DHX15: variants seen among roughly 807,000 people sequenced by gnomAD.
DHX15 encodes the protein ATP-dependent RNA helicase DHX15.
DHX15 carries 11 observed loss-of-function variants against 94.4 expected under a neutral mutation model. That is an observed-to-expected ratio of 0.12 (90% CI 0.07 to 0.19). The LOEUF (loss-of-function observed/expected upper bound fraction) is 0.19, where lower values mean the gene tolerates loss of function less well. Ranked by LOEUF, DHX15 falls within the 10% of genes least tolerant of loss-of-function variation. The pLI is 1.00. For synonymous variants in DHX15, 338 were observed against 329.9 expected, an observed-to-expected ratio of 1.02 and a Z score of -0.27; for missense variants, 304 against 988.5, an observed-to-expected ratio of 0.31 and a Z score of 9.29.
intron 3 of DHX15, among the ~76,000 whole-genome samples, chr4:24,559,962 GGA>G (rs1721830044): frequency 6.6e-6 from 1 of 152,114 alleles, no homozygotes; most frequent in Non-Finnish European, 1.5e-5. Context: ...AAACATCCTT[GGA>G]GTAAGTAACA....
chr4:24,582,891 ATT>A (rs1240111425), intron 1 of DHX15, among the ~76,000 whole-genome samples: 2 of 152,198 alleles, frequency 1.3e-5, no homozygotes, highest in Non-Finnish European at 1.5e-5. Flanking sequence ...TTACAATGTC[ATT>A]GTCTTTTTTA....
rs1320549406 is a variant in DHX15, at chr4:24,547,925, A to ATC, written c.1248+929_1248+930insGA. Among the ~76,000 whole-genome samples, 380 of 50,946 alleles carry ATC rather than the reference A, an allele frequency of 7.5e-3. 7 individuals carry two copies. Among genetic ancestry groups the ATC allele is most frequent in the Middle Eastern group, 0.011 (1 of 92 alleles). 33.4% of individuals were successfully genotyped at this position (50,946 alleles called of 152,430 possible). On this transcript the variant is annotated intron_variant, in intron 6 of 13. Coordinates refer to ENST00000336812, the MANE Select transcript of DHX15 (RefSeq NM_001358.3). ...TGTGTATATATATATATATATATAT[A>ATC]TATATATATATATATATCTATATCT...
At chr4:24,551,063 G>A (rs1192465100) in intron 5 of DHX15, among the ~76,000 whole-genome samples, 2 of 152,142 alleles carry the variant, frequency 1.3e-5, no homozygotes, top group African/African-American at 4.8e-5. Flanking sequence ...TCTAACACAT[G>A]TGCATTCAAG....
chr4:24,542,148 T>A, intron 7 of DHX15, 126 bp from the exon 8 acceptor site: 1 of 783,618 alleles, frequency 1.3e-6, no homozygotes, highest in Non-Finnish European at 1.9e-6. Flanking sequence ...CCATAAATCA[T>A]GCTGCTACAA....
At chr4:24,563,214 T>A (rs1323977776) in intron 3 of DHX15, 2 of 152,216 alleles carry the variant, frequency 1.3e-5, no homozygotes, top group East Asian at 3.9e-4. Context: ...CTTGCTATGT[T>A]GCCCAGGCTG....
chr4:24,550,113 A>G (rs867218808), intron 5 of DHX15, among the ~76,000 whole-genome samples: 5 of 142,866 alleles, frequency 3.5e-5, no homozygotes, highest in African/African-American at 1.3e-4. Context: ...AAAAAAAAAA[A>G]AAAAAAAAAA....
At chr4:24,547,253 AAT>A (rs1213568757) in intron 6 of DHX15, among the ~76,000 whole-genome samples, 1 of 152,232 alleles carries the variant, frequency 6.6e-6, no homozygotes, top group African/African-American at 2.4e-5. Context: ...GCAAAGTGGC[AAT>A]ATAGCCCCTA....
intron 1 of DHX15, among the ~76,000 whole-genome samples, chr4:24,582,638 CTT>C (rs1489185714): frequency 6.6e-6 from 1 of 152,190 alleles, no homozygotes; most frequent in African/African-American, 2.4e-5. Flanking sequence ...TGTAATGACT[CTT>C]AACTACAGTA....
At chr4:24,573,164 G>A (rs1722160800) in intron 2 of DHX15, among the ~76,000 whole-genome samples, 2 of 152,192 alleles carry the variant, frequency 1.3e-5, no homozygotes, top group Admixed American at 1.3e-4. Flanking sequence ...GCCCGCCTCA[G>A]CATCCCAAAG....
Position 24,529,719 on chromosome 4 carries a change from C to G in DHX15, c.2152G>C (p.Val718Leu). 1 of 1,614,214 alleles carries G rather than the reference C, an allele frequency of 6.2e-7. No homozygotes were observed. Among genetic ancestry groups the G allele is most frequent in the Non-Finnish European group, 8.5e-7 (1 of 1,180,038 alleles). ...GHYLTVKDNQVVQLHPSTVLD... is the reference protein window; with the variant it reads ...GHYLTVKDNQLVQLHPSTVLD... ...ACAGTAGAGGGATGCAACTGAACCA[C>G]CTGGTTATCTTTCACAGTTAAGTAA... The change falls in exon 13 of 14, where the codon GTG (valine) becomes CTG (leucine). Residue 718 changes from valine to leucine, a missense_variant. Transcript: ENST00000336812.
intron 5 of DHX15, among the ~76,000 whole-genome samples, chr4:24,551,811 C>T (rs987312990): frequency 6.6e-6 from 1 of 152,046 alleles, no homozygotes; most frequent in African/African-American, 2.4e-5. Context: ...AAAATAAATG[C>T]TCAGAAATCA....
chr4:24,539,205 T>G (rs1261511029), intron 10 of DHX15: 1 of 152,180 alleles, frequency 6.6e-6, no homozygotes, highest in Non-Finnish European at 1.5e-5. Context: ...TTAAATTTTT[T>G]TCAATTTATC....
At chr4:24,584,094 T>C in intron 1 of DHX15, 1 of 555,290 alleles carries the variant, frequency 1.8e-6, no homozygotes, top group South Asian at 2.2e-5. Flanking sequence ...TGCAGGCCTC[T>C]CCACCCTCCG....
intron 2 of DHX15, among the ~76,000 whole-genome samples, chr4:24,571,458 G>C (rs1399435736): frequency 6.6e-6 from 1 of 152,180 alleles, no homozygotes; most frequent in African/African-American, 2.4e-5. Flanking sequence ...ACTTCGTTAA[G>C]GGCAGCCAAA....
chr4:24,562,906 G>T (rs1190266953), intron 3 of DHX15, among the ~76,000 whole-genome samples: 2 of 152,114 alleles, frequency 1.3e-5, no homozygotes, highest in Admixed American at 6.5e-5. Flanking sequence ...CATTCCAAAA[G>T]ATTGAACTGT....
At chr4:24,536,008 TA>T (rs534771311) in intron 11 of DHX15, among the ~76,000 whole-genome samples, 13 of 149,772 alleles carry the variant, frequency 8.7e-5, no homozygotes, top group South Asian at 2.1e-4. Context: ...GGCTATCAGT[TA>T]AAAAAAAAAT....
At chr4:24,580,510 CT>C (rs36034914) in intron 1 of DHX15, among the ~76,000 whole-genome samples, 34,216 of 139,114 alleles carry the variant, frequency 0.25, 4,017 homozygotes, top group East Asian at 0.4. Flanking sequence ...ATAAGCATTG[CT>C]TTTTTTTTTT....
chr4:24,572,336 A>G lies in DHX15; in HGVS notation c.508-1489T>C, dbSNP rs529087149. 2.1e-3 allele frequency among the ~76,000 whole-genome samples: 314 copies of G among 152,292 alleles called. 4 individuals are homozygous for G. Among genetic ancestry groups the G allele is most frequent in the Non-Finnish European group, 2.4e-3 (164 of 68,022 alleles). On this transcript the variant is annotated intron_variant, in intron 2 of 13. Transcript: ENST00000336812. ...TTTTTAGTAGAGACAGGGTTTCACC[A>G]CGTTGGGCAAGCTGGTGTCGAACTC...
chr4:24,557,502 G>T (rs1721762883), intron 3 of DHX15, among the ~76,000 whole-genome samples: 1 of 152,092 alleles, frequency 6.6e-6, no homozygotes, highest in Non-Finnish European at 1.5e-5. Context: ...TCAGCAAATT[G>T]ATAGTGTACA....
Sources: allele counts gnomAD v4.1 joint callset (sites outside exome capture counted in the v4.1 genomes callset), GRCh38; gene constraint gnomAD v4.1.1; transcripts MANE v1.5; gene names NCBI Gene and HGNC (gene_info 2026-07-23, HGNC 2026-07-21).